DBX2: variants seen among roughly 807,000 people sequenced by gnomAD.
DBX2 encodes homeobox protein DBX2.
DBX2 carries 16 observed loss-of-function variants against 17.7 expected under a neutral mutation model. That is an observed-to-expected ratio of 0.90 (90% CI 0.61 to 1.37). DBX2 has a LOEUF of 1.37. DBX2 is among the 40% of genes most tolerant of loss of function. DBX2 has a pLI of 0.00. For missense variants in DBX2, 538 were observed against 433.8 expected, an observed-to-expected ratio of 1.24 and a Z score of -2.13; for synonymous variants, 255 against 183.8, an observed-to-expected ratio of 1.39 and a Z score of -3.13.
At chr12:45,020,569 C>T (rs981743238) in intron 3 of DBX2, among the ~76,000 whole-genome samples, 1 of 151,684 alleles carries the variant, frequency 6.6e-6, no homozygotes, top group South Asian at 2.1e-4. Flanking sequence ...GCTTCTACTG[C>T]TAGATCTGTG....
intron 2 of DBX2, among the ~76,000 whole-genome samples, chr12:45,027,654 GC>G (rs2137022411): frequency 6.6e-6 from 1 of 152,246 alleles, no homozygotes; most frequent in Non-Finnish European, 1.5e-5. Flanking sequence ...TCACAACTAA[GC>G]AAAAATGCAG....
intron 1 of DBX2, among the ~76,000 whole-genome samples, chr12:45,039,320 T>C (rs1265259933): frequency 1.8e-5 from 2 of 111,250 alleles, no homozygotes; most frequent in African/African-American, 3.2e-5. Flanking sequence ...TATATATATA[T>C]ATGTATCACA....
At chr12:45,042,661 G>A (rs1946477935) in intron 1 of DBX2, among the ~76,000 whole-genome samples, 1 of 152,164 alleles carries the variant, frequency 6.6e-6, no homozygotes, top group South Asian at 2.1e-4. Flanking sequence ...CAATAGCTTG[G>A]TGACATGATG....
At chr12:45,028,295 T>C (rs1946392047) in intron 2 of DBX2, among the ~76,000 whole-genome samples, 1 of 152,146 alleles carries the variant, frequency 6.6e-6, no homozygotes, top group Non-Finnish European at 1.5e-5. Flanking sequence ...AAGAAGGACA[T>C]AAGCAACCTA....
intron 3 of DBX2, among the ~76,000 whole-genome samples, chr12:45,022,413 C>T (rs1488797641): frequency 2.0e-5 from 3 of 146,736 alleles, no homozygotes; most frequent in Non-Finnish European, 4.5e-5. Flanking sequence ...ACGCCATTCT[C>T]CTGCCTCAGC....
chr12:45,050,085 T>C (rs1946521107), intron 1 of DBX2, among the ~76,000 whole-genome samples: 1 of 152,106 alleles, frequency 6.6e-6, no homozygotes, highest in East Asian at 1.9e-4. Flanking sequence ...CTCCCCAAGT[T>C]GGGCCGCGCA....
chr12:45,026,972 A>G (rs896127232), intron 2 of DBX2, among the ~76,000 whole-genome samples: 2 of 151,612 alleles, frequency 1.3e-5, no homozygotes, highest in African/African-American at 4.9e-5. Context: ...AACTAGATTC[A>G]CTATTCTTTA....
chr12:45,024,903 C>G (rs965660130), intron 2 of DBX2, among the ~76,000 whole-genome samples: 3 of 152,198 alleles, frequency 2.0e-5, no homozygotes, highest in African/African-American at 7.2e-5. Context: ...CATTGATCAT[C>G]AACCCCTTGA....
intron 1 of DBX2, among the ~76,000 whole-genome samples, chr12:45,045,850 T>C (rs1013412219): frequency 2.6e-5 from 4 of 152,190 alleles, no homozygotes; most frequent in African/African-American, 9.6e-5. Flanking sequence ...AGCATAACCC[T>C]GAACACTCTA....
At chr12:45,024,705 A>G (rs1344897332) in intron 2 of DBX2, among the ~76,000 whole-genome samples, 1 of 152,234 alleles carries the variant, frequency 6.6e-6, no homozygotes. Flanking sequence ...TACCTGTAAG[A>G]TATGGTGGAA....
At chr12:45,017,478 AATC>A (rs1223331395) in intron 3 of DBX2, among the ~76,000 whole-genome samples, 1 of 152,200 alleles carries the variant, frequency 6.6e-6, no homozygotes, top group Non-Finnish European at 1.5e-5. Context: ...TCTTATAAAC[AATC>A]AGACCTCATC....
chr12:45,032,630 G>C (rs1946416440), intron 2 of DBX2, among the ~76,000 whole-genome samples: 1 of 151,580 alleles, frequency 6.6e-6, no homozygotes, highest in Non-Finnish European at 1.5e-5. Context: ...GTTTTAACAA[G>C]AAGAAGAAGA....
intron 2 of DBX2, among the ~76,000 whole-genome samples, chr12:45,032,139 T>C (rs1946414058): frequency 6.6e-6 from 1 of 152,126 alleles, no homozygotes; most frequent in Admixed American, 6.6e-5. Context: ...GGAAAATCTA[T>C]TGTCTTTGAG....
Position 45,020,671 on chromosome 12 carries a change from A to ATGTG in DBX2, c.687+3035_687+3036insCACA, listed in dbSNP as rs1295599253. 2.9e-4 allele frequency among the ~76,000 whole-genome samples: 25 copies of ATGTG among 87,002 alleles called. No individual in the cohort carries two copies. In the South Asian group the frequency reaches 0.013, roughly 46 times the overall value. The allele number at this position is 87,002 out of a possible 152,430, so 57.1% of individuals were successfully genotyped here. ...GATTTTTATGTATGTATATGTATAT[A>ATGTG]TATGTATATATATATATATACACAC... On this transcript the variant is annotated intron_variant, in intron 3 of 3. Transcript: ENST00000332700.
Position 45,016,444 on chromosome 12 carries a change from T to C in DBX2, c.862A>G (p.Ser288Gly), listed in dbSNP as rs756014318. ...GGAGAATTCTCCCTCCATCTTGGAC[T>C]TGAGTGCTGTTGGGGGACGTCCCAT... is the stretch of plus-strand genomic sequence containing the variant. ...SIWDVPQQHS[S>G]PRWRENSPEP... is the part of the protein sequence containing the mutation. The change falls in exon 4 of 4, where the codon AGT becomes GGT. Residue 288 changes from serine (S) to glycine (G), a missense_variant. Ser to Gly is a moderately conservative substitution (Grantham distance 56, BLOSUM62 0). Coordinates refer to ENST00000332700, the MANE Select transcript of DBX2 (RefSeq NM_001004329.3). The C allele has an allele frequency of 6.2e-7, 1 of 1,614,002 alleles. No homozygotes were observed. Among genetic ancestry groups the C allele is most frequent in the East Asian group, 2.2e-5 (1 of 44,860 alleles).
intron 3 of DBX2, among the ~76,000 whole-genome samples, chr12:45,019,241 C>A (rs1385294531): frequency 2.0e-5 from 3 of 151,734 alleles, no homozygotes; most frequent in Admixed American, 2.0e-4. Context: ...CATAATATTC[C>A]AAAATTCTTG....
At chr12:45,046,214 T>C (rs1363624246) in intron 1 of DBX2, among the ~76,000 whole-genome samples, 7 of 152,322 alleles carry the variant, frequency 4.6e-5, no homozygotes, top group African/African-American at 1.7e-4. Context: ...ACAGAGCTGA[T>C]TACTCATGAA....
chr12:45,036,443 G>A (rs1390658368), intron 1 of DBX2, among the ~76,000 whole-genome samples: 1 of 152,118 alleles, frequency 6.6e-6, no homozygotes, highest in Non-Finnish European at 1.5e-5. Context: ...AAAACTATCT[G>A]TGATGATTGG....
At chr12:45,040,430 T>C (rs917428796) in intron 1 of DBX2, among the ~76,000 whole-genome samples, 2 of 152,122 alleles carry the variant, frequency 1.3e-5, no homozygotes, top group Non-Finnish European at 2.9e-5. Context: ...CCCTGACTGA[T>C]ACACCTACCA....
Sources: allele counts gnomAD v4.1 joint callset (sites outside exome capture counted in the v4.1 genomes callset), GRCh38; gene constraint gnomAD v4.1.1; transcripts MANE v1.5; gene names NCBI Gene and HGNC (gene_info 2026-07-23, HGNC 2026-07-21).